The following SERINC5 variants were observed in gnomAD, a reference collection of about 807,000 sequenced individuals.
The protein encoded by SERINC5 is serine incorporator 5, also known as chromosome 5 open reading frame 12.
Under a neutral mutation model 63.1 loss-of-function variants are expected in SERINC5, and 41 were observed. The ratio of observed to expected loss-of-function variants is 0.65; its 90% confidence interval spans 0.51 to 0.84. The LOEUF is 0.84. Ranked by LOEUF, SERINC5 falls within the 40% of genes least tolerant of loss-of-function variation. The pLI is 0.00. For missense variants in SERINC5, 523 were observed against 573.0 expected, an observed-to-expected ratio of 0.91 and a Z score of 0.89; for synonymous variants, 222 against 215.2, an observed-to-expected ratio of 1.03 and a Z score of -0.28.
downstream of SERINC5, among the ~76,000 whole-genome samples, chr5:80,135,073 T>C (rs1745105095): frequency 6.6e-6 from 1 of 152,220 alleles, no homozygotes; most frequent in East Asian, 1.9e-4. Context: ...AAATCAGGGT[T>C]TTTGTTGTTG....
intron 2 of SERINC5, among the ~76,000 whole-genome samples, chr5:80,198,927 GT>G (rs1183412121): frequency 6.6e-6 from 1 of 152,150 alleles, no homozygotes; most frequent in African/African-American, 2.4e-5. Context: ...GGACATCAGG[GT>G]TGCCTTCCCT....
At chr5:80,150,099 C>A (rs1746071146) in intron 9 of SERINC5, among the ~76,000 whole-genome samples, 1 of 152,226 alleles carries the variant, frequency 6.6e-6, no homozygotes, top group Admixed American at 6.5e-5. Flanking sequence ...CTACAACGTT[C>A]AACAGCGTCA....
intron 1 of SERINC5, among the ~76,000 whole-genome samples, chr5:80,214,222 A>C (rs996740164): frequency 3.3e-5 from 5 of 152,214 alleles, no homozygotes; most frequent in African/African-American, 1.2e-4. Flanking sequence ...TTTGGGTAAA[A>C]ATATAACAAG....
intron 7 of SERINC5, 79 bp downstream of exon 7, chr5:80,166,304 A>G (rs1747297114): frequency 1.9e-6 from 2 of 1,033,936 alleles, no homozygotes; most frequent in Non-Finnish European, 2.9e-6. Flanking sequence ...GGCCTCTCCA[A>G]TATTTAAACA....
chr5:80,117,179 G>A (rs1039998549), intron 11 of SERINC5, among the ~76,000 whole-genome samples: 2 of 152,044 alleles, frequency 1.3e-5, no homozygotes, highest in African/African-American at 4.8e-5. Context: ...AACTAACACG[G>A]AAGATGGCTA....
At chr5:80,235,752 G>T (rs1005971069) in intron 1 of SERINC5, among the ~76,000 whole-genome samples, 5 of 152,092 alleles carry the variant, frequency 3.3e-5, no homozygotes, top group Admixed American at 2.6e-4. Flanking sequence ...ATGAGCCACC[G>T]CGCCTGGCTG....
intron 1 of SERINC5, among the ~76,000 whole-genome samples, chr5:80,245,265 T>C (rs1276306216): frequency 6.6e-6 from 1 of 152,158 alleles, no homozygotes; most frequent in African/African-American, 2.4e-5. Flanking sequence ...GTTCAGGACA[T>C]AAACAACACA....
chr5:80,221,663 T>C (rs1252994868), intron 1 of SERINC5, among the ~76,000 whole-genome samples: 3 of 151,964 alleles, frequency 2.0e-5, no homozygotes, highest in Admixed American at 1.3e-4. Flanking sequence ...AATATTTTAA[T>C]AGGTAAAGAA....
chr5:80,205,290 A>G lies in SERINC5; in HGVS notation c.28-2237T>C, dbSNP rs1056379285. On this transcript the variant is annotated intron_variant, in intron 1 of 11. Coordinates refer to ENST00000507668, the MANE Select transcript of SERINC5 (RefSeq NM_001174072.3). ...ACTCCAACTTCACCCTTGTGTTCAT[A>G]TTAATCCTTACTTTTCTTGGTCGTG... 5.3e-5 allele frequency among the ~76,000 whole-genome samples: 8 copies of G among 152,194 alleles called. No homozygotes were observed. The South Asian group carries it at 6.2e-4, about 12-fold the overall frequency.
downstream of SERINC5, among the ~76,000 whole-genome samples, chr5:80,133,991 C>T (rs114117934): frequency 5.4e-3 from 815 of 152,248 alleles, 7 homozygotes; most frequent in African/African-American, 0.018. Context: ...GCTGATCCAT[C>T]GAGTGCAGGG....
At chr5:80,134,904 C>G (rs1394485112), downstream of SERINC5, among the ~76,000 whole-genome samples, 2 of 152,168 alleles carry the variant, frequency 1.3e-5, no homozygotes, top group East Asian at 3.8e-4. Context: ...CAGTGAATCC[C>G]AGTAAAATCC....
At chr5:80,203,251 T>G in intron 1 of SERINC5, 198 bp from the exon 2 acceptor site, 2 of 353,878 alleles carry the variant, frequency 5.7e-6, no homozygotes, top group Non-Finnish European at 1.1e-5. Flanking sequence ...AATAAATATA[T>G]ATACACATAT....
chr5:80,170,751 C>T (rs971927359), intron 5 of SERINC5, among the ~76,000 whole-genome samples: 4 of 152,194 alleles, frequency 2.6e-5, no homozygotes, highest in Admixed American at 2.6e-4. Flanking sequence ...AGAGGTGGCT[C>T]ACACCTGTAA....
Position 80,140,436 on chromosome 5 carries a change from T to C in SERINC5, c.*3227A>G. 1 of 984,562 alleles carries C rather than the reference T, an allele frequency of 1.0e-6. No homozygotes were observed. The highest frequency in any genetic ancestry group is 4.7e-5 in the South Asian group (1 of 21,252). 61.0% of individuals were successfully genotyped at this position (984,562 alleles called of 1,614,324 possible). ...GGAATCGGAAATAAACAATGTTGTA[T>C]GGAAACAGAACCCCAAAACCCCAAT... On this transcript the variant is annotated 3_prime_UTR_variant, in exon 12 of 12. Transcript: ENST00000507668.
intron 2 of SERINC5, among the ~76,000 whole-genome samples, chr5:80,179,140 A>T (rs1405810837): frequency 6.6e-6 from 1 of 152,080 alleles, no homozygotes; most frequent in Non-Finnish European, 1.5e-5. Flanking sequence ...CTCTACTAAA[A>T]ATACAATAAT....
intron 11 of SERINC5, among the ~76,000 whole-genome samples, chr5:80,130,367 G>C (rs1004831618): frequency 5.3e-5 from 8 of 150,400 alleles, no homozygotes; most frequent in African/African-American, 1.7e-4. Flanking sequence ...GCAACAAAGC[G>C]AGATTCCATC....
intron 1 of SERINC5, among the ~76,000 whole-genome samples, chr5:80,231,436 C>T (rs72776286): frequency 0.037 from 5,702 of 152,232 alleles, 150 homozygotes; most frequent in Non-Finnish European, 0.051. Flanking sequence ...ACAGCATCTA[C>T]TGCAGGCCTT....
At chr5:80,231,797 C>A (rs1751449498) in intron 1 of SERINC5, among the ~76,000 whole-genome samples, 1 of 151,250 alleles carries the variant, frequency 6.6e-6, no homozygotes, top group Non-Finnish European at 1.5e-5. Context: ...CCATACCAGA[C>A]AAAAATTAAC....
chr5:80,201,877 G>T (rs10060703), intron 2 of SERINC5, among the ~76,000 whole-genome samples: 21,779 of 152,142 alleles, frequency 0.14, 1,700 homozygotes, highest in African/African-American at 0.19. Flanking sequence ...TCCATTATTT[G>T]TGAGAATATC....
Sources: gnomAD v4.1 joint callset for allele counts (sites outside exome capture counted in the v4.1 genomes callset) on GRCh38, gnomAD v4.1.1 for gene constraint, MANE v1.5 for transcripts, NCBI Gene and HGNC (gene_info 2026-07-23, HGNC 2026-07-21) for gene names.